The following GHR variants were observed in gnomAD, a reference collection of about 807,000 sequenced individuals.
The protein encoded by GHR is GH receptor.
GHR carries 35 observed loss-of-function variants against 67.1 expected under a neutral mutation model. The ratio of observed to expected loss-of-function variants is 0.52; its 90% CI spans 0.40 to 0.69. The LOEUF (loss-of-function observed/expected upper bound fraction) is 0.69, where lower values mean the gene tolerates loss of function less well. Among genes scored for constraint, GHR ranks in the 30% least tolerant of loss-of-function variants. The probability of loss-of-function intolerance (pLI) is 0.00; values close to 1 mark genes in which losing one functional copy is unlikely to be tolerated. For synonymous variants in GHR, 272 were observed against 269.1 expected (o/e 1.01, Z -0.10); for missense variants, 792 against 764.6 (o/e 1.04, Z -0.42).
chr5:42,684,992 G>A (rs528414713), intron 3 of GHR, among the ~76,000 whole-genome samples: 21 of 151,882 alleles, frequency 1.4e-4, no homozygotes, highest in South Asian at 8.4e-4. Context: ...TGTGCAGAAC[G>A]TGCAGGTTTG....
intron 2 of GHR, among the ~76,000 whole-genome samples, chr5:42,583,918 T>C (rs1381166317): frequency 1.3e-5 from 2 of 150,636 alleles, no homozygotes; most frequent in Non-Finnish European, 3.0e-5. Flanking sequence ...GTTTAGAAGC[T>C]TCCAGTCACC....
At chr5:42,453,580 C>A (rs983854156) in intron 1 of GHR, among the ~76,000 whole-genome samples, 3 of 152,222 alleles carry the variant, frequency 2.0e-5, no homozygotes, top group Non-Finnish European at 4.4e-5. Context: ...CCTGTCCTAG[C>A]ATTTCAGCTA....
rs77917913 is a variant in GHR at position 42,550,959 on chromosome 5, G to A, written c.-11-14905G>A. On this transcript the variant is annotated intron_variant, in intron 1 of 9. Transcript: ENST00000230882. ...CTAGCCCTCTCTTTTCTCTTTTACC[G>A]GAACTAACTTCTAAAAATCCAGAAA... is the stretch of plus-strand genomic sequence containing the variant. Among the ~76,000 whole-genome samples the A allele has an allele frequency of 0.011, 1,717 of 152,162 alleles. 82 individuals carry two copies. In the East Asian group the frequency reaches 0.15, roughly 13 times the overall value.
chr5:42,515,620 A>G (rs999501072), intron 1 of GHR, among the ~76,000 whole-genome samples: 5 of 152,236 alleles, frequency 3.3e-5, no homozygotes, highest in Non-Finnish European at 5.9e-5. Context: ...GATTTAGTCT[A>G]TAACCCGCTG....
At chr5:42,717,990 T>C in intron 8 of GHR, 62 bp from the exon 9 acceptor site, 1 of 802,734 alleles carries the variant, frequency 1.2e-6, no homozygotes, top group Non-Finnish European at 2.3e-6. Flanking sequence ...TTCTATCTTT[T>C]GCTATAATTG....
chr5:42,503,063 C>G (rs906597060), intron 1 of GHR, among the ~76,000 whole-genome samples: 1 of 152,002 alleles, frequency 6.6e-6, no homozygotes, highest in African/African-American at 2.4e-5. Context: ...GGTGTCTCAG[C>G]TAACTTTAGT....
At chr5:42,481,176 G>T (rs1465894506) in intron 1 of GHR, among the ~76,000 whole-genome samples, 2 of 152,054 alleles carry the variant, frequency 1.3e-5, no homozygotes, top group Non-Finnish European at 2.9e-5. Context: ...TGAAATTCTG[G>T]GTTGAAAATT....
At chr5:42,632,365 G>A (rs1049091175) in intron 3 of GHR, among the ~76,000 whole-genome samples, 1 of 152,116 alleles carries the variant, frequency 6.6e-6, no homozygotes, top group Non-Finnish European at 1.5e-5. Flanking sequence ...CTCCATGCTG[G>A]TCTGAGAGAG....
At chr5:42,678,843 G>C (rs982184153) in intron 3 of GHR, among the ~76,000 whole-genome samples, 6 of 151,632 alleles carry the variant, frequency 4.0e-5, no homozygotes, top group Admixed American at 2.6e-4. Flanking sequence ...AGAATTCATT[G>C]CAGGCAGTAA....
At chr5:42,713,087 CT>C (rs909810541) in intron 7 of GHR, among the ~76,000 whole-genome samples, 1 of 151,844 alleles carries the variant, frequency 6.6e-6, no homozygotes, top group African/African-American at 2.4e-5. Context: ...ATAAGCAACA[CT>C]TTTTTACTGA....
At chr5:42,433,664 G>A (rs944936320) in intron 1 of GHR, among the ~76,000 whole-genome samples, 2 of 151,358 alleles carry the variant, frequency 1.3e-5, no homozygotes, top group African/African-American at 4.9e-5. Flanking sequence ...CAATCTGTTT[G>A]GACTGAGGGA....
At position 42,718,579 on chromosome 5, in the gene GHR, G is replaced by A; in HGVS notation, c.1072G>A (p.Glu358Lys). Residue 358 changes from glutamate (E) to lysine (K), a missense_variant, in exon 10 of 10, where the codon GAG (glutamate) becomes AAG (lysine). Coordinates refer to ENST00000230882, the MANE Select transcript of GHR (RefSeq NM_000163.5). ...TATTGATGAGCCAGATGAAAAGACTGAGGAATCAGACACAGACAGACTTCT... is the reference window on the plus strand; with the variant it reads ...TATTGATGAGCCAGATGAAAAGACTAAGGAATCAGACACAGACAGACTTCT... ...LDIDEPDEKT[E>K]ESDTDRLLSS... The A allele has an allele frequency of 6.2e-7, 1 of 1,614,176 alleles. No homozygotes were observed. The highest frequency in any genetic ancestry group is 1.3e-5 in the African/African-American group (1 of 75,064).
chr5:42,705,178 T>C (rs1189343109), intron 6 of GHR, among the ~76,000 whole-genome samples: 1 of 152,126 alleles, frequency 6.6e-6, no homozygotes, highest in African/African-American at 2.4e-5. Context: ...ATTTCTGTTC[T>C]GATCTTTATT....
At chr5:42,575,325 C>T (rs1290252714) in intron 2 of GHR, among the ~76,000 whole-genome samples, 1 of 152,118 alleles carries the variant, frequency 6.6e-6, no homozygotes, top group Non-Finnish European at 1.5e-5. Context: ...ATTTGAATCC[C>T]ATTTATGAAT....
intron 1 of GHR, among the ~76,000 whole-genome samples, chr5:42,543,038 A>T (rs1334789159): frequency 2.0e-5 from 3 of 152,038 alleles, no homozygotes; most frequent in Non-Finnish European, 2.9e-5. Context: ...TCATTGTTTG[A>T]TGGGCATTTA....
chr5:42,657,237 G>C (rs887548669), intron 3 of GHR, among the ~76,000 whole-genome samples: 6 of 152,028 alleles, frequency 3.9e-5, no homozygotes, highest in African/African-American at 9.7e-5. Flanking sequence ...TGTGACCATG[G>C]GCAATTTATT....
At chr5:42,554,794 G>A (rs1268875778) in intron 1 of GHR, among the ~76,000 whole-genome samples, 1 of 152,050 alleles carries the variant, frequency 6.6e-6, no homozygotes, top group Admixed American at 6.6e-5. Flanking sequence ...TTGATTACAT[G>A]ATGAAATAAT....
intron 2 of GHR, among the ~76,000 whole-genome samples, chr5:42,593,413 A>G (rs555122052): frequency 4.5e-4 from 68 of 152,330 alleles, no homozygotes; most frequent in African/African-American, 1.5e-3. Context: ...CAAAGTCACT[A>G]TTTTTGTACA....
At chr5:42,474,317 G>GAAAGAAAGAA (rs1554054615) in intron 1 of GHR, among the ~76,000 whole-genome samples, 5 of 138,852 alleles carry the variant, frequency 3.6e-5, no homozygotes, top group Non-Finnish European at 6.3e-5. Context: ...AAGAAAGAAA[G>GAAAGAAAGAA]AAAGAAAGAA....
Sources: allele counts gnomAD v4.1 joint callset (sites outside exome capture counted in the v4.1 genomes callset), GRCh38; gene constraint gnomAD v4.1.1; transcripts MANE v1.5; gene names NCBI Gene and HGNC (gene_info 2026-07-23, HGNC 2026-07-21).